The following ASB13 variants were observed in gnomAD, a reference collection of about 807,000 sequenced individuals.
ASB13 encodes ankyrin repeat and SOCS box protein 13.
ASB13 carries 33 observed loss-of-function variants against 28.8 expected under a neutral mutation model. That is an observed-to-expected ratio of 1.15 (90% CI 0.87 to 1.53). The LOEUF (loss-of-function observed/expected upper bound fraction) is 1.53, where lower values mean the gene tolerates loss of function less well. Ranked by LOEUF, ASB13 falls within the 40% of genes most tolerant of loss-of-function variation. ASB13 has a pLI of 0.00. For missense variants in ASB13, 414 were observed against 390.1 expected (o/e 1.06, Z -0.52); for synonymous variants, 182 against 172.9 (o/e 1.05, Z -0.41).
rs1834848358 is a variant in ASB13 at position 5,644,159 on chromosome 10, AAG to A, written c.518-2200_518-2199del. On this transcript the variant is annotated intron_variant, in intron 4 of 5. Transcript: ENST00000357700. This position sits in a 1 kb window ranked among gnomAD's most constrained non-coding sequence, Gnocchi z 5.1. ...AAAGTATAGCACTGAGTGAGCCAAG[AAG>A]AGAGTCAGAGATGAAACTCGATCAG... 6.6e-6 allele frequency among the ~76,000 whole-genome samples: 1 copy of A among 152,220 alleles called. No individual in the cohort carries two copies. The highest frequency in any genetic ancestry group is 2.4e-5 in the African/African-American group (1 of 41,466).
At position 5,651,618 on chromosome 10, in the gene ASB13, C is replaced by G; in HGVS notation, c.232-255G>C. 1 of 445,528 alleles carries G rather than the reference C, an allele frequency of 2.2e-6. No homozygotes were observed. The highest frequency in any genetic ancestry group is 4.0e-6 in the Non-Finnish European group (1 of 247,644). 27.6% of individuals were successfully genotyped at this position (445,528 alleles called of 1,614,324 possible). ...ATAAGCTCAGCAGCCCCCTCGCCAC[C>G]CCCGCCCCAAACACCTAGTAAGCAC... On this transcript the variant is annotated intron_variant, in intron 2 of 5. Transcript: ENST00000357700. This position sits in a 1 kb window ranked among gnomAD's most constrained non-coding sequence, Gnocchi z 5.1.
At chr10:5,657,340 A>AG (rs1835088928) in intron 1 of ASB13, among the ~76,000 whole-genome samples, 1 of 152,190 alleles carries the variant, frequency 6.6e-6, no homozygotes, top group Non-Finnish European at 1.5e-5. Flanking sequence ...AACAAAAAAA[A>AG]CAAATAACCA....
At position 5,655,771 on chromosome 10, in the gene ASB13, G is replaced by C. The variant is rs766619343; in HGVS notation, c.44-2721C>G. Among the ~76,000 whole-genome samples the C allele has an allele frequency of 7.9e-5, 12 of 152,322 alleles. No individual in the cohort carries two copies. The highest frequency in any genetic ancestry group is 4.1e-4 in the South Asian group (2 of 4,832). ...GGGAGCAAAATCCTAAGGGTAGAAG[G>C]AGAGGCTGCCACTTGAAAAAGAAGA... On this transcript the variant is annotated intron_variant, in intron 1 of 5. Transcript: ENST00000357700. This position sits in a 1 kb window ranked among gnomAD's most constrained non-coding sequence, Gnocchi z 6.2.
In ASB13 at chr10:5,650,449, T is replaced by C. The variant is rs563153243; in HGVS notation, c.382+764A>G. ...ATCAGGGGTGAGCCACATGCAGCCA[T>C]GGCCCTGCCAGCACCGTGGAAGGGC... is the stretch of plus-strand genomic sequence containing the variant. On this transcript the variant is annotated intron_variant, in intron 3 of 5. Transcript: ENST00000357700. This position sits in a 1 kb window ranked among gnomAD's most constrained non-coding sequence, Gnocchi z 6.0. 4.3e-4 allele frequency among the ~76,000 whole-genome samples: 65 copies of C among 152,298 alleles called. No individual in the cohort carries two copies. The South Asian group carries it at 0.013, about 31-fold the overall frequency.
Position 5,641,936 on chromosome 10 carries a change from A to C in ASB13, c.543T>G (p.Leu181=), listed in dbSNP as rs1588506304. The C allele has an allele frequency of 1.2e-6, 2 of 1,609,814 alleles. No individual in the cohort carries two copies. The highest frequency in any genetic ancestry group is 8.5e-7 in the Non-Finnish European group (1 of 1,176,314). The change falls in exon 5 of 6, where the codon CTT becomes CTG. Residue 181 remains leucine, a synonymous_variant. Coordinates refer to ENST00000357700, the MANE Select transcript of ASB13 (RefSeq NM_024701.4). This position sits in a 1 kb window ranked among gnomAD's most constrained non-coding sequence, Gnocchi z 8.4. ...CCGCGTGGTGAAGGGCAGTCTCATGAAGCTTTGCCGCATTCACGTTGGCCC... is the reference window on the plus strand; with the variant it reads ...CCGCGTGGTGAAGGGCAGTCTCATGCAGCTTTGCCGCATTCACGTTGGCCC... ...NAGANVNAAK[L]HETALHHAAK... is the part of the protein sequence containing the mutation.
rs1049847815 is a variant in ASB13, at chr10:5,660,495, C to T, written c.43+6014G>A. Among the ~76,000 whole-genome samples, 1 of 152,200 alleles carries T rather than the reference C, an allele frequency of 6.6e-6. No homozygotes were observed. Among genetic ancestry groups the T allele is most frequent in the African/African-American group, 2.4e-5 (1 of 41,446 alleles). ...GCCTACCCTCAGGGAGCAGACTCTA[C>T]AGGGGCAAGCTGCAGGAACCACCCT... is the stretch of plus-strand genomic sequence containing the variant. On this transcript the variant is annotated intron_variant, in intron 1 of 5. Coordinates refer to ENST00000357700, the MANE Select transcript of ASB13 (RefSeq NM_024701.4). This position sits in a 1 kb window ranked among gnomAD's most constrained non-coding sequence, Gnocchi z 6.1.
Position 5,645,939 on chromosome 10 carries a change from TAAG to T in ASB13, c.517+3028_517+3030del, listed in dbSNP as rs1009993145. Among the ~76,000 whole-genome samples the T allele has an allele frequency of 2.0e-5, 3 of 152,200 alleles. No homozygotes were observed. Among genetic ancestry groups the T allele is most frequent in the African/African-American group, 7.2e-5 (3 of 41,452 alleles). Reference sequence around the variant, plus strand: ...TTTTCCGCAATGAAAAAATGGTTTCTAAGAAGAAGATGATGATCCATCTGCTCT... The same window carrying T: ...TTTTCCGCAATGAAAAAATGGTTTCTAAGAAGATGATGATCCATCTGCTCT... On this transcript the variant is annotated intron_variant, in intron 4 of 5. Transcript: ENST00000357700. This position sits in a 1 kb window ranked among gnomAD's most constrained non-coding sequence, Gnocchi z 5.4.
chr10:5,641,485 A>C lies in ASB13; in HGVS notation c.709+285T>G, dbSNP rs1834806562. ...ATCAAACAACTAATCTGCAGCTAGGAGGCTCATCTGTCAAATGTCCAGCAC... is the reference window on the plus strand; with the variant it reads ...ATCAAACAACTAATCTGCAGCTAGGCGGCTCATCTGTCAAATGTCCAGCAC... On this transcript the variant is annotated intron_variant, in intron 5 of 5. Coordinates refer to ENST00000357700, the MANE Select transcript of ASB13 (RefSeq NM_024701.4). The surrounding 1 kb of genome is among the most constrained non-coding windows in gnomAD (Gnocchi z 8.4). Among the ~76,000 whole-genome samples the C allele has an allele frequency of 6.6e-6, 1 of 152,200 alleles. No individual in the cohort carries two copies. The highest frequency in any genetic ancestry group is 2.4e-5 in the African/African-American group (1 of 41,456).
At position 5,666,389 on chromosome 10, in the gene ASB13, C is replaced by T. The variant is rs968911122; in HGVS notation, c.43+120G>A. 8 of 893,032 alleles carry T rather than the reference C, an allele frequency of 9.0e-6. No homozygotes were observed. In the Admixed American group the frequency reaches 3.5e-4, roughly 39 times the overall value. The allele number at this position is 893,032 out of a possible 1,614,324, so 55.3% of individuals were successfully genotyped here. A position where few individuals can be genotyped will look rare whatever the true frequency, so the allele number is the denominator to read the frequency against. On this transcript the variant is annotated intron_variant, in intron 1 of 5. Transcript: ENST00000357700. ...CGCGGCCCACCCCGCCAAACGCCCC[C>T]GCCCACGGAGCCAGCGCGGGGCGCG...
In ASB13 at chr10:5,644,744, G is replaced by A. The variant is rs981372122; in HGVS notation, c.518-2783C>T. Among the ~76,000 whole-genome samples, 16 of 151,950 alleles carry A rather than the reference G, an allele frequency of 1.1e-4. No individual in the cohort carries two copies. The highest frequency in any genetic ancestry group is 3.4e-4 in the African/African-American group (14 of 41,358). The stretch of plus-strand genomic sequence containing the variant: ...CAGGCATGAGAATCGCTTGAACCAG[G>A]GAGATGGAGGCTGCAGTGAGCAGAG... On this transcript the variant is annotated intron_variant, in intron 4 of 5. Transcript: ENST00000357700. This position sits in a 1 kb window ranked among gnomAD's most constrained non-coding sequence, Gnocchi z 5.1.
In ASB13 at chr10:5,664,122, G is replaced by A. The variant is rs866013376; in HGVS notation, c.43+2387C>T. Among the ~76,000 whole-genome samples the A allele has an allele frequency of 1.4e-4, 21 of 152,096 alleles. No homozygotes were observed. Among genetic ancestry groups the A allele is most frequent in the African/African-American group, 4.6e-4 (19 of 41,396 alleles). On this transcript the variant is annotated intron_variant, in intron 1 of 5. Transcript: ENST00000357700. The surrounding 1 kb of genome is among the most constrained non-coding windows in gnomAD (Gnocchi z 4.2). The stretch of plus-strand genomic sequence containing the variant: ...GATACAGAAGGCGGGCTTGGCACCC[G>A]GGGTTGGGACCAGCAAAGAGCAGGG...
intron 1 of ASB13, 110 bp downstream of exon 1, chr10:5,666,399 G>C (rs976280921): frequency 1.0e-6 from 1 of 998,864 alleles, no homozygotes; most frequent in Admixed American, 4.8e-5. Flanking sequence ...CGCCCACGGA[G>C]CCAGCGCGGG....
chr10:5,662,081 G>A (rs1835176399), intron 1 of ASB13, among the ~76,000 whole-genome samples: 1 of 152,128 alleles, frequency 6.6e-6, no homozygotes, highest in Non-Finnish European at 1.5e-5. Flanking sequence ...CCCAGGGAGG[G>A]TTTTCTGATG....
chr10:5,643,054 G>A (rs1455014057), intron 4 of ASB13, among the ~76,000 whole-genome samples: 2 of 152,168 alleles, frequency 1.3e-5, no homozygotes, highest in African/African-American at 4.8e-5. Context: ...CATTTTATTC[G>A]AAGTCTGTTC....
In ASB13 at chr10:5,649,551, A is replaced by G. The variant is rs565407376; in HGVS notation, c.383-447T>C. Among the ~76,000 whole-genome samples, 3 of 132,900 alleles carry G rather than the reference A, an allele frequency of 2.3e-5. No homozygotes were observed. The South Asian group carries it at 7.5e-4, about 33-fold the overall frequency. The allele number at this position is 132,900 out of a possible 152,430, so 87.2% of individuals were successfully genotyped here. A position where few individuals can be genotyped will look rare whatever the true frequency, so the allele number is the denominator to read the frequency against. On this transcript the variant is annotated intron_variant, in intron 3 of 5. Transcript: ENST00000357700. This position sits in a 1 kb window ranked among gnomAD's most constrained non-coding sequence, Gnocchi z 6.4. Reference sequence around the variant, plus strand: ...CTGCCTCTTTTTTTTTTTTAGACAAAGTCTCATTCTGTTGCCCAGGATGGA... The same window carrying G: ...CTGCCTCTTTTTTTTTTTTAGACAAGGTCTCATTCTGTTGCCCAGGATGGA...
chr10:5,647,684 C>G (rs540795397), intron 4 of ASB13, among the ~76,000 whole-genome samples: 1 of 152,304 alleles, frequency 6.6e-6, no homozygotes, highest in South Asian at 2.1e-4. Context: ...ACACCAGGCA[C>G]CGGGGAAACA....
At position 5,656,024 on chromosome 10, in the gene ASB13, G is replaced by A. The variant is rs1297671222; in HGVS notation, c.44-2974C>T. On this transcript the variant is annotated intron_variant, in intron 1 of 5. Coordinates refer to ENST00000357700, the MANE Select transcript of ASB13 (RefSeq NM_024701.4). The surrounding 1 kb of genome is among the most constrained non-coding windows in gnomAD (Gnocchi z 4.3). ...AGATAATTCACAACATGACAACTGC[G>A]ATCATGTCTGGTGACAGGGACTCAG... Among the ~76,000 whole-genome samples the A allele has an allele frequency of 1.3e-5, 2 of 152,182 alleles. No individual in the cohort carries two copies. The highest frequency in any genetic ancestry group is 2.4e-5 in the African/African-American group (1 of 41,444).
rs35180800 is a variant in ASB13, at chr10:5,664,513, C to CAT, written c.43+1995_43+1996insAT. ...GCAAGTGGCTCAGCTGCAATATTCACAGTCACAATAATGTCAACACTGAAA... is the reference window on the plus strand; with the variant it reads ...GCAAGTGGCTCAGCTGCAATATTCACATAGTCACAATAATGTCAACACTGAAA... On this transcript the variant is annotated intron_variant, in intron 1 of 5. Transcript: ENST00000357700. This position sits in a 1 kb window ranked among gnomAD's most constrained non-coding sequence, Gnocchi z 4.2. Among the ~76,000 whole-genome samples, 43,444 of 151,672 alleles carry CAT rather than the reference C, an allele frequency of 0.29. 6,357 individuals carry two copies. Among genetic ancestry groups the CAT allele is most frequent in the Middle Eastern group, 0.43 (125 of 294 alleles).
rs1290015502 is a variant in ASB13, at chr10:5,642,591, A to G, written c.518-630T>C. The G allele has an allele frequency of 9.4e-7, 1 of 1,068,990 alleles. No individual in the cohort carries two copies. Among genetic ancestry groups the G allele is most frequent in the African/African-American group, 1.7e-5 (1 of 59,542 alleles). The allele number at this position is 1,068,990 out of a possible 1,614,324, so 66.2% of individuals were successfully genotyped here. A position where few individuals can be genotyped will look rare whatever the true frequency, so the allele number is the denominator to read the frequency against. ...AAAGGTAAAAAAAAATTTTTTTTTA[A>G]AAAAAAGAGCAGACATTCAGAAAGA... On this transcript the variant is annotated intron_variant, in intron 4 of 5. Coordinates refer to ENST00000357700, the MANE Select transcript of ASB13 (RefSeq NM_024701.4). This position sits in a 1 kb window ranked among gnomAD's most constrained non-coding sequence, Gnocchi z 4.1.
Sources: allele counts gnomAD v4.1 joint callset (sites outside exome capture counted in the v4.1 genomes callset), GRCh38; gene constraint gnomAD v4.1.1; non-coding constraint Gnocchi (gnomAD v3.1); transcripts MANE v1.5; gene names NCBI Gene and HGNC (gene_info 2026-07-23, HGNC 2026-07-21).